Variants in NALF1 observed in about 807,000 individuals in gnomAD.
NALF1 encodes NALCN channel auxiliary factor 1.
NALF1 carries 3 observed loss-of-function variants against 48.4 expected under a neutral mutation model. The observed-to-expected ratio is 0.06, with a 90% CI of 0.03 to 0.16. The LOEUF (loss-of-function observed/expected upper bound fraction) is 0.16. Ranked by LOEUF, NALF1 falls within the 10% of genes least tolerant of loss-of-function variation. NALF1 has a pLI of 1.00. For synonymous variants in NALF1, 262 were observed against 245.7 expected, an observed-to-expected ratio of 1.07 and a Z score of -0.62; for missense variants, 526 against 571.5, an observed-to-expected ratio of 0.92 and a Z score of 0.81.
At chr13:107,864,649 G>A (rs1452172750) in intron 1 of NALF1, among the ~76,000 whole-genome samples, 2 of 152,172 alleles carry the variant, frequency 1.3e-5, no homozygotes, top group African/African-American at 2.4e-5. Flanking sequence ...GGCTTATAGA[G>A]ATACTGTCAT....
At chr13:107,604,873 C>T (rs1197307876) in intron 1 of NALF1, among the ~76,000 whole-genome samples, 5 of 152,144 alleles carry the variant, frequency 3.3e-5, no homozygotes, top group Admixed American at 1.3e-4. Context: ...GCCATGAGAT[C>T]GTGATAATAC....
At chr13:107,555,890 G>C (rs559392259) in intron 1 of NALF1, among the ~76,000 whole-genome samples, 8 of 152,036 alleles carry the variant, frequency 5.3e-5, no homozygotes, top group Non-Finnish European at 1.2e-4. Flanking sequence ...CAGCAAAAAA[G>C]ATAATATTTT....
intron 1 of NALF1, among the ~76,000 whole-genome samples, chr13:107,596,580 C>T (rs1024802721): frequency 1.3e-5 from 2 of 151,970 alleles, no homozygotes; most frequent in African/African-American, 4.8e-5. Flanking sequence ...AACAGAAAAC[C>T]AAACACTGCA....
rs536704190 is a variant in NALF1 at position 107,858,419 on chromosome 13, G to A, written c.915+7263C>T. On this transcript the variant is annotated intron_variant, in intron 1 of 2. Transcript: ENST00000375915. Reference sequence around the variant, plus strand: ...TAAATTACCCATCTCGGCTGGGTGCGGTGGCTCAGGCCTGTAATCCCAGCA... The same window carrying A: ...TAAATTACCCATCTCGGCTGGGTGCAGTGGCTCAGGCCTGTAATCCCAGCA... Among the ~76,000 whole-genome samples, 32 of 152,242 alleles carry A rather than the reference G, an allele frequency of 2.1e-4. 1 individual carries two copies. In the East Asian group the frequency reaches 2.7e-3, roughly 13 times the overall value.
At chr13:107,472,434 G>A (rs1237881393) in intron 1 of NALF1, among the ~76,000 whole-genome samples, 3 of 152,178 alleles carry the variant, frequency 2.0e-5, no homozygotes, top group African/African-American at 2.4e-5. Flanking sequence ...TTGTTCCTGG[G>A]TGTGTCTGTG....
intron 1 of NALF1, among the ~76,000 whole-genome samples, chr13:107,741,814 C>G (rs1876644774): frequency 6.6e-6 from 1 of 152,032 alleles, no homozygotes; most frequent in South Asian, 2.1e-4. Context: ...AAAAGTAACC[C>G]AAGACCTGAA....
Position 107,390,572 on chromosome 13 carries a change from C to T in NALF1, c.916-179817G>A, listed in dbSNP as rs140066868. 6.8e-3 allele frequency among the ~76,000 whole-genome samples: 1,030 copies of T among 152,032 alleles called. 13 individuals carry two copies. Among genetic ancestry groups the T allele is most frequent in the African/African-American group, 0.024 (996 of 41,488 alleles). On this transcript the variant is annotated intron_variant, in intron 1 of 2. Coordinates refer to ENST00000375915, the MANE Select transcript of NALF1 (RefSeq NM_001080396.3). ...GTATTGCCTGGGCGACAGAGCGAGG[C>T]TCCATCTCAAAAACAAAAAACAAAC... is the stretch of plus-strand genomic sequence containing the variant.
chr13:107,864,452 A>G (rs1383084769), intron 1 of NALF1, among the ~76,000 whole-genome samples: 2 of 152,222 alleles, frequency 1.3e-5, no homozygotes, highest in Non-Finnish European at 2.9e-5. Flanking sequence ...AAATTATTTG[A>G]TCTATACCAC....
intron 1 of NALF1, among the ~76,000 whole-genome samples, chr13:107,608,784 A>G (rs1421324654): frequency 2.0e-5 from 3 of 152,240 alleles, no homozygotes; most frequent in Non-Finnish European, 4.4e-5. Flanking sequence ...CCAGTGAAGG[A>G]AGAGGTGAAC....
chr13:107,268,503 G>A (rs565226785), intron 1 of NALF1, among the ~76,000 whole-genome samples: 2 of 152,278 alleles, frequency 1.3e-5, no homozygotes, highest in Non-Finnish European at 2.9e-5. Flanking sequence ...ATCACTGTCA[G>A]TATCCTGGTT....
At chr13:107,792,574 T>A (rs1878281823) in intron 1 of NALF1, among the ~76,000 whole-genome samples, 1 of 152,210 alleles carries the variant, frequency 6.6e-6, no homozygotes, top group Non-Finnish European at 1.5e-5. Context: ...AGTGTCCACA[T>A]ACTCTGACAT....
At position 107,353,522 on chromosome 13, in the gene NALF1, A is replaced by T. The variant is rs1199362318; in HGVS notation, c.916-142767T>A. Among the ~76,000 whole-genome samples, 3 of 152,220 alleles carry T rather than the reference A, an allele frequency of 2.0e-5. No homozygotes were observed. The South Asian group carries it at 6.2e-4, about 32-fold the overall frequency. On this transcript the variant is annotated intron_variant, in intron 1 of 2. Transcript: ENST00000375915. Reference sequence around the variant, plus strand: ...TGTCTTGTGAAAAGAATCACCAACAATCTCTTTTTAGAAGTACATGTGCTT... The same window carrying T: ...TGTCTTGTGAAAAGAATCACCAACATTCTCTTTTTAGAAGTACATGTGCTT...
chr13:107,808,722 G>C (rs1202141305), intron 1 of NALF1, among the ~76,000 whole-genome samples: 1 of 151,622 alleles, frequency 6.6e-6, no homozygotes, highest in Non-Finnish European at 1.5e-5. Flanking sequence ...AAAGTGGAAA[G>C]CTATGCAGTA....
At chr13:107,680,710 G>C (rs1422340212) in intron 1 of NALF1, among the ~76,000 whole-genome samples, 1 of 149,772 alleles carries the variant, frequency 6.7e-6, no homozygotes, top group East Asian at 2.0e-4. Flanking sequence ...ATGAGAAAGG[G>C]TGGGTGGTGT....
intron 1 of NALF1, among the ~76,000 whole-genome samples, chr13:107,701,772 A>G (rs756958122): frequency 2.6e-5 from 4 of 152,224 alleles, no homozygotes; most frequent in Admixed American, 6.5e-5. Context: ...GATGATAGAT[A>G]TATCGATTTT....
chr13:107,628,567 G>A (rs933033116), intron 1 of NALF1, among the ~76,000 whole-genome samples: 6 of 152,020 alleles, frequency 3.9e-5, no homozygotes, highest in African/African-American at 1.4e-4. Flanking sequence ...ACAGATAAGC[G>A]TGAGCAATAC....
At chr13:107,373,287 G>T (rs1883278779) in intron 1 of NALF1, among the ~76,000 whole-genome samples, 1 of 152,162 alleles carries the variant, frequency 6.6e-6, no homozygotes, top group South Asian at 2.1e-4. Context: ...AGGTTCTCTT[G>T]ATAACCAGCT....
chr13:107,767,943 T>G (rs1877461500), intron 1 of NALF1, among the ~76,000 whole-genome samples: 1 of 152,126 alleles, frequency 6.6e-6, no homozygotes, highest in South Asian at 2.1e-4. Flanking sequence ...GTTGAGAAAG[T>G]AAGGACTACC....
chr13:107,393,881 G>T (rs1313927686), intron 1 of NALF1, among the ~76,000 whole-genome samples: 1 of 152,106 alleles, frequency 6.6e-6, no homozygotes, highest in African/African-American at 2.4e-5. Flanking sequence ...TAATATTTCT[G>T]CATTTAGAAT....
Sources: allele counts gnomAD v4.1 joint callset (sites outside exome capture counted in the v4.1 genomes callset), GRCh38; gene constraint gnomAD v4.1.1; transcripts MANE v1.5; gene names NCBI Gene and HGNC (gene_info 2026-07-23, HGNC 2026-07-21).